Variants in LIPA observed in about 807,000 individuals in gnomAD.
The protein encoded by LIPA is lysosomal acid lipase/cholesteryl ester hydrolase.
A neutral mutation model predicts 40.6 loss-of-function variants in LIPA; 26 were observed. The ratio of observed to expected loss-of-function variants is 0.64; its 90% confidence interval spans 0.47 to 0.89. LIPA has a LOEUF of 0.89. Among genes scored for constraint, LIPA ranks in the 40% least tolerant of loss-of-function variants. LIPA has a pLI of 0.00. For missense variants in LIPA, 455 were observed against 479.6 expected (o/e 0.95, Z 0.48); for synonymous variants, 188 against 168.4 (o/e 1.12, Z -0.90).
At chr10:89,370,635 G>A (rs1018542737) in intron 2 of LIPA, among the ~76,000 whole-genome samples, 10 of 152,134 alleles carry the variant, frequency 6.6e-5, no homozygotes, top group African/African-American at 2.2e-4. Context: ...TTTGCTGTGA[G>A]GGGTTGTTCT....
intron 3 of LIPA, among the ~76,000 whole-genome samples, chr10:89,237,825 A>C (rs1164897325): frequency 6.6e-6 from 1 of 152,196 alleles, no homozygotes; most frequent in East Asian, 1.9e-4. Flanking sequence ...CCATGAATTC[A>C]ATACCAAAGG....
At chr10:89,222,966 C>CT (rs35004751) in intron 7 of LIPA, among the ~76,000 whole-genome samples, 1 of 151,960 alleles carries the variant, frequency 6.6e-6, no homozygotes, top group Non-Finnish European at 1.5e-5. Context: ...GATTTTAACC[C>CT]TTTTTTTCAA....
At chr10:89,284,254 C>T (rs994817713) in intron 1 of LIPA, 2 of 152,212 alleles carry the variant, frequency 1.3e-5, no homozygotes, top group African/African-American at 4.8e-5. Context: ...ACGTTCTTAA[C>T]AAGCATGTGT....
chr10:89,399,089 C>T (rs2133623587), intron 2 of LIPA, among the ~76,000 whole-genome samples: 1 of 152,114 alleles, frequency 6.6e-6, no homozygotes, highest in Admixed American at 6.5e-5. Context: ...AGTGGTATCT[C>T]ATTGTGGTTT....
chr10:89,280,903 T>C (rs1437668165), intron 1 of LIPA, among the ~76,000 whole-genome samples: 1 of 152,240 alleles, frequency 6.6e-6, no homozygotes, highest in Non-Finnish European at 1.5e-5. Flanking sequence ...CCAGCTATTA[T>C]AATCCCAATT....
intron 2 of LIPA, among the ~76,000 whole-genome samples, chr10:89,360,222 A>G (rs905704944): frequency 4.6e-5 from 7 of 152,196 alleles, no homozygotes; most frequent in African/African-American, 1.7e-4. Flanking sequence ...TTAGAGAGTA[A>G]CAACTACTGT....
intron 1 of LIPA, among the ~76,000 whole-genome samples, chr10:89,336,674 CT>C (rs1843745753): frequency 6.6e-6 from 1 of 152,132 alleles, no homozygotes; most frequent in Admixed American, 6.5e-5. Context: ...TCTTTTCTAT[CT>C]TTTAAAATAA....
chr10:89,233,236 C>G (rs1318506373), intron 3 of LIPA, among the ~76,000 whole-genome samples: 1 of 152,206 alleles, frequency 6.6e-6, no homozygotes, highest in Non-Finnish European at 1.5e-5. Flanking sequence ...AACAGTGAAT[C>G]TATTCTTTAC....
At chr10:89,217,748 G>A (rs966339819) in intron 8 of LIPA, among the ~76,000 whole-genome samples, 27 of 152,214 alleles carry the variant, frequency 1.8e-4, no homozygotes, top group African/African-American at 5.1e-4. Flanking sequence ...ATATCATCTC[G>A]CTCTGTGTTT....
intron 2 of LIPA, chr10:89,404,734 C>T (rs892704246): frequency 2.6e-5 from 4 of 152,214 alleles, no homozygotes; most frequent in Non-Finnish European, 5.9e-5. Context: ...GCAGGCAGAT[C>T]ACCTGAACCC....
chr10:89,275,011 T>C (rs1466290523), intron 1 of LIPA, among the ~76,000 whole-genome samples: 3 of 152,208 alleles, frequency 2.0e-5, no homozygotes, highest in Non-Finnish European at 2.9e-5. Context: ...TGACAGTGTC[T>C]GAGCTAGGTA....
chr10:89,389,876 C>T (rs760819551), intron 2 of LIPA, among the ~76,000 whole-genome samples: 1 of 151,700 alleles, frequency 6.6e-6, no homozygotes, highest in Non-Finnish European at 1.5e-5. Flanking sequence ...ATCTCTCAGT[C>T]AGAGAATTTC....
chr10:89,374,415 G>A (rs1169189341), intron 2 of LIPA, among the ~76,000 whole-genome samples: 1 of 151,690 alleles, frequency 6.6e-6, no homozygotes, highest in African/African-American at 2.4e-5. Flanking sequence ...GTGGTTCATG[G>A]CTGTATTTAT....
intron 2 of LIPA, among the ~76,000 whole-genome samples, chr10:89,364,417 A>G (rs1232063622): frequency 1.3e-5 from 2 of 152,172 alleles, no homozygotes; most frequent in Non-Finnish European, 2.9e-5. Context: ...TTGACCCACA[A>G]GAAGATCTAC....
Position 89,383,782 on chromosome 10 carries a change from T to C in LIPA, c.61+29009A>G, listed in dbSNP as rs746423448. 1.9e-6 allele frequency: 3 copies of C among 1,614,162 alleles called. No individual in the cohort carries two copies. The South Asian group carries it at 3.3e-5, about 18-fold the overall frequency. On this transcript the variant is annotated intron_variant, in intron 2 of 8. Coordinates refer to the LIPA transcript ENST00000371837. Reference sequence around the variant, plus strand: ...CTTGGCGAAGTGTGGTGGAAAGAATTATGAACGGGCCAAGACCTGCTTTGA... The same window carrying C: ...CTTGGCGAAGTGTGGTGGAAAGAATCATGAACGGGCCAAGACCTGCTTTGA...
chr10:89,393,213 G>T (rs1247078110), intron 2 of LIPA: 3 of 1,289,806 alleles, frequency 2.3e-6, no homozygotes, highest in East Asian at 1.1e-4. Context: ...GGTAGGAAAA[G>T]CTCACAGCCT....
At chr10:89,306,575 G>A (rs1843481197) in intron 1 of LIPA, 1 of 1,614,082 alleles carries the variant, frequency 6.2e-7, no homozygotes, top group Non-Finnish European at 8.5e-7. Flanking sequence ...GCTGAATCCT[G>A]ACAACCAGTA....
At chr10:89,381,501 A>T (rs1369001200) in intron 2 of LIPA, among the ~76,000 whole-genome samples, 1 of 152,150 alleles carries the variant, frequency 6.6e-6, no homozygotes, top group East Asian at 1.9e-4. Context: ...AGTCAACTAT[A>T]CAGTCCTATC....
intron 1 of LIPA, among the ~76,000 whole-genome samples, chr10:89,317,412 A>C (rs1843547075): frequency 6.6e-6 from 1 of 152,214 alleles, no homozygotes; most frequent in African/African-American, 2.4e-5. Context: ...TGAGAACTAT[A>C]TGACGCATGC....
Sources: allele counts gnomAD v4.1 joint callset (sites outside exome capture counted in the v4.1 genomes callset), GRCh38; gene constraint gnomAD v4.1.1; transcripts MANE v1.5; gene names NCBI Gene and HGNC (gene_info 2026-07-23, HGNC 2026-07-21).